Variants in ZNF407 observed in about 807,000 individuals in gnomAD.
The protein encoded by ZNF407 is zinc finger protein 407.
Under a neutral mutation model 131.2 loss-of-function variants are expected in ZNF407, and 17 were observed. That is an observed-to-expected ratio of 0.13 (90% CI 0.09 to 0.19). The LOEUF is 0.19. ZNF407 is among the 10% of genes least tolerant of loss of function. The pLI, the probability that ZNF407 is intolerant of heterozygous loss-of-function variation, is 1.00. For synonymous variants in ZNF407, 1,156 were observed against 1,062.0 expected, an observed-to-expected ratio of 1.09 and a Z score of -1.72; for missense variants, 2,681 against 2,830.6, an observed-to-expected ratio of 0.95 and a Z score of 1.20.
intron 8 of ZNF407, among the ~76,000 whole-genome samples, chr18:75,041,519 C>T (rs140463339): frequency 1.5e-3 from 220 of 151,578 alleles, no homozygotes; most frequent in Admixed American, 0.013. Flanking sequence ...AAATCCACTC[C>T]TACGATGTCT....
At chr18:75,024,914 A>G (rs1349851651) in intron 8 of ZNF407, among the ~76,000 whole-genome samples, 1 of 152,214 alleles carries the variant, frequency 6.6e-6, no homozygotes, top group African/African-American at 2.4e-5. Context: ...CACCAACCAG[A>G]CTAGGTTGTA....
chr18:74,773,796 A>G (rs1185676028), intron 3 of ZNF407, among the ~76,000 whole-genome samples: 2 of 152,194 alleles, frequency 1.3e-5, no homozygotes, highest in Admixed American at 1.3e-4. Flanking sequence ...TGTGCCCACA[A>G]TGTATGTGTT....
chr18:74,598,390 G>C (rs901603634), intron 1 of ZNF407: 1 of 152,358 alleles, frequency 6.6e-6, no homozygotes, highest in African/African-American at 2.4e-5. Flanking sequence ...CCTTCGGGAC[G>C]CACCCCTGCA....
At chr18:74,782,048 C>T (rs186042991) in intron 4 of ZNF407, among the ~76,000 whole-genome samples, 51 of 152,232 alleles carry the variant, frequency 3.4e-4, no homozygotes, top group Non-Finnish European at 5.7e-4. Context: ...TTAGCTTCAT[C>T]GCATAGACTT....
At chr18:74,627,934 G>C (rs1983875154) in intron 1 of ZNF407, among the ~76,000 whole-genome samples, 1 of 149,482 alleles carries the variant, frequency 6.7e-6, no homozygotes, top group Admixed American at 6.7e-5. Flanking sequence ...GAACGCAGTG[G>C]TTCAGTCGTA....
Position 75,048,065 on chromosome 18 carries a change from G to A in ZNF407, c.5429-15085G>A, listed in dbSNP as rs1973456254. On this transcript the variant is annotated intron_variant, in intron 8 of 8. Coordinates refer to ENST00000299687, the MANE Select transcript of ZNF407 (RefSeq NM_017757.3). The surrounding 1 kb of genome is among the most constrained non-coding windows in gnomAD (Gnocchi z 4.1). ...GGTTTTTATATAGAATATGGCACGT[G>A]TTGGTATTCATAACTCGTTAACCAC... Among the ~76,000 whole-genome samples the A allele has an allele frequency of 6.6e-6, 1 of 152,180 alleles. No individual in the cohort carries two copies. Among genetic ancestry groups the A allele is most frequent in the South Asian group, 2.1e-4 (1 of 4,828 alleles).
chr18:75,063,767 G>A lies in ZNF407; in HGVS notation c.6046G>A (p.Ala2016Thr), dbSNP rs546961134. ...AGLEEQGRPG[A>T]KDVLIQLPGQ... ...GCTCGAGGAGCAAGGCAGGCCCGGC[G>A]CCAAAGACGTGCTGATCCAGCTGCC... Residue 2016 changes from alanine (A) to threonine (T), a missense_variant, in exon 9 of 9, where the codon GCC (alanine) becomes ACC (threonine). Physicochemically the swap from Ala to Thr is moderately conservative, Grantham distance 58 (BLOSUM62 0). Transcript: ENST00000299687. The surrounding 1 kb of genome is among the most constrained non-coding windows in gnomAD (Gnocchi z 6.6). The A allele has an allele frequency of 6.3e-5, 101 of 1,610,838 alleles. No homozygotes were observed. The highest frequency in any genetic ancestry group is 4.7e-4 in the African/African-American group (35 of 75,028).
rs1448146052 is a variant in ZNF407 at position 74,920,731 on chromosome 18, A to G, written c.5428+39A>G. On this transcript the variant is annotated intron_variant, in intron 8 of 8. Coordinates refer to ENST00000299687, the MANE Select transcript of ZNF407 (RefSeq NM_017757.3). ...ACTGTGAAAACTTGTTTCTAACAGGATTTCATGTGATCACAGCAGTTATAA... is the reference window on the plus strand; with the variant it reads ...ACTGTGAAAACTTGTTTCTAACAGGGTTTCATGTGATCACAGCAGTTATAA... 5 of 1,567,796 alleles carry G rather than the reference A, an allele frequency of 3.2e-6. No homozygotes were observed. In the Admixed American group the frequency reaches 5.2e-5, roughly 16 times the overall value.
chr18:74,778,781 G>A (rs1969529084), intron 3 of ZNF407, among the ~76,000 whole-genome samples: 1 of 151,964 alleles, frequency 6.6e-6, no homozygotes, highest in South Asian at 2.1e-4. Context: ...CATAGGTGCA[G>A]GACCCCCTCA....
At chr18:75,052,979 C>T (rs577000338) in intron 8 of ZNF407, among the ~76,000 whole-genome samples, 8 of 152,186 alleles carry the variant, frequency 5.3e-5, no homozygotes, top group Non-Finnish European at 1.0e-4. Context: ...CCTTTAATTT[C>T]CCTGATAAAC....
In ZNF407 at chr18:74,755,885, C is replaced by CTTTTTTTTTTTTTTTTTTTTTTTT. The variant is rs34750560; in HGVS notation, c.4803-25540_4803-25517dup. Among the ~76,000 whole-genome samples, 5 of 25,822 alleles carry CTTTTTTTTTTTTTTTTTTTTTTTT rather than the reference C, an allele frequency of 1.9e-4. 2 individuals carry two copies. Among genetic ancestry groups the CTTTTTTTTTTTTTTTTTTTTTTTT allele is most frequent in the African/African-American group, 4.0e-4 (2 of 4,990 alleles). The allele number at this position is 25,822 out of a possible 152,430, so 16.9% of individuals were successfully genotyped here. On this transcript the variant is annotated intron_variant, in intron 3 of 8. Coordinates refer to ENST00000299687, the MANE Select transcript of ZNF407 (RefSeq NM_017757.3). ...CCTTCCTTCCTTCCTCTTTTCCTTC[C>CTTTTTTTTTTTTTTTTTTTTTTTT]TTTTTTTTTTTTTTTTTTTTTTTTT...
intron 8 of ZNF407, among the ~76,000 whole-genome samples, chr18:75,006,412 T>C (rs765422898): frequency 6.6e-6 from 1 of 152,240 alleles, no homozygotes; most frequent in Non-Finnish European, 1.5e-5. Context: ...CTAGAGGTCC[T>C]AAATTTCCCT....
intron 3 of ZNF407, among the ~76,000 whole-genome samples, chr18:74,740,991 G>A (rs190926032): frequency 2.2e-4 from 34 of 152,228 alleles, no homozygotes; most frequent in Non-Finnish European, 3.8e-4. Context: ...GGGGAAACTT[G>A]GCTGAGAACC....
chr18:75,034,752 T>C (rs1973288068), intron 8 of ZNF407, among the ~76,000 whole-genome samples: 1 of 152,192 alleles, frequency 6.6e-6, no homozygotes, highest in Admixed American at 6.5e-5. Context: ...TTATCCCACA[T>C]ACTTTGGTGC....
intron 8 of ZNF407, among the ~76,000 whole-genome samples, chr18:74,976,090 C>A (rs2145308481): frequency 6.6e-6 from 1 of 152,264 alleles, no homozygotes; most frequent in South Asian, 2.1e-4. Context: ...AAGATAGATG[C>A]TACTGAATTG....
At position 74,615,308 on chromosome 18, in the gene ZNF407, C is replaced by T. The variant is rs774069445; in HGVS notation, c.-53-15659C>T. Among the ~76,000 whole-genome samples, 49 of 152,320 alleles carry T rather than the reference C, an allele frequency of 3.2e-4. 1 individual carries two copies. The highest frequency in any genetic ancestry group is 1.6e-4 in the Non-Finnish European group (11 of 68,036). ...GATCACGAGGTCAAGAGATCGAGAC[C>T]ATCCTGGCCAACATAGTGAAACTCC... On this transcript the variant is annotated intron_variant, in intron 1 of 8. Transcript: ENST00000299687.
chr18:74,872,339 A>T (rs72977464), intron 4 of ZNF407, among the ~76,000 whole-genome samples: 15,928 of 152,118 alleles, frequency 0.1, 1,017 homozygotes, highest in Middle Eastern at 0.24. Context: ...TGAGATTTTT[A>T]AAAACCCATA....
intron 4 of ZNF407, among the ~76,000 whole-genome samples, chr18:74,845,387 G>A (rs563279171): frequency 6.6e-6 from 1 of 152,284 alleles, no homozygotes; most frequent in African/African-American, 2.4e-5. Context: ...TTTCAGTTTG[G>A]AAATGCATTA....
intron 3 of ZNF407, among the ~76,000 whole-genome samples, chr18:74,651,749 A>G (rs1471462778): frequency 6.6e-6 from 1 of 152,158 alleles, no homozygotes; most frequent in Non-Finnish European, 1.5e-5. Context: ...CAGAGATATA[A>G]AGCCGAGGTG....
Sources: gnomAD v4.1 joint callset for allele counts (sites outside exome capture counted in the v4.1 genomes callset) on GRCh38, gnomAD v4.1.1 for gene constraint, Gnocchi (gnomAD v3.1) non-coding constraint, MANE v1.5 for transcripts, NCBI Gene and HGNC (gene_info 2026-07-23, HGNC 2026-07-21) for gene names.